Variants in DNAH8 observed in about 807,000 individuals in gnomAD.
The protein encoded by DNAH8 is dynein axonemal heavy chain 8, also known as axonemal beta dynein heavy chain 8.
Under a neutral mutation model 562.1 loss-of-function variants are expected in DNAH8, and 382 were observed. The ratio of observed to expected loss-of-function variants is 0.68; its 90% CI spans 0.63 to 0.74. DNAH8 has a LOEUF of 0.74. DNAH8 is among the 30% of genes least tolerant of loss of function. DNAH8 has a pLI of 0.00. For missense variants in DNAH8, 5,203 were observed against 5,620.4 expected (o/e 0.93, Z 2.37); for synonymous variants, 1,881 against 1,919.4 (o/e 0.98, Z 0.52).
At chr6:38,749,560 T>A (rs1418190787) in intron 8 of DNAH8, among the ~76,000 whole-genome samples, 2 of 151,008 alleles carry the variant, frequency 1.3e-5, no homozygotes, top group Admixed American at 1.3e-4. Flanking sequence ...AAAGACAATG[T>A]CTAATTAAAT....
intron 79 of DNAH8, among the ~76,000 whole-genome samples, chr6:38,944,920 C>A (rs898071241): frequency 6.6e-6 from 1 of 151,498 alleles, no homozygotes; most frequent in African/African-American, 2.4e-5. Context: ...TCTTTTTATC[C>A]CTGGCCTATG....
At chr6:38,812,865 T>C (rs994882573) in intron 24 of DNAH8, among the ~76,000 whole-genome samples, 1 of 152,196 alleles carries the variant, frequency 6.6e-6, no homozygotes, top group East Asian at 1.9e-4. Context: ...GGAAATTACT[T>C]AGCCTCTCCC....
rs761854666 is a variant in DNAH8, at chr6:38,832,411, A to C, written c.4278A>C (p.Ile1426=). 22 of 1,610,440 alleles carry C rather than the reference A, an allele frequency of 1.4e-5. No individual in the cohort carries two copies. The highest frequency in any genetic ancestry group is 1.8e-5 in the Non-Finnish European group (21 of 1,176,962). ...ESVEVFREDV[I]NFAEAYELEG... ...TGGAAGTTTTTCGTGAGGACGTGATAAACTTTGCAGAAGCATATGAATTGG... is the reference window on the plus strand; with the variant it reads ...TGGAAGTTTTTCGTGAGGACGTGATCAACTTTGCAGAAGCATATGAATTGG... Residue 1426 remains isoleucine (I), a synonymous_variant, in exon 31 of 93, where the codon ATA becomes ATC. Transcript: ENST00000327475.
intron 53 of DNAH8, among the ~76,000 whole-genome samples, chr6:38,882,478 C>A (rs778181799): frequency 6.6e-6 from 1 of 152,028 alleles, no homozygotes; most frequent in East Asian, 1.9e-4. Flanking sequence ...TCAAATACTG[C>A]GTATTTTCAA....
At chr6:38,907,871 A>G in intron 63 of DNAH8, 85 bp from the exon 64 acceptor site, 5 of 1,171,994 alleles carry the variant, frequency 4.3e-6, no homozygotes, top group Non-Finnish European at 5.7e-6. Flanking sequence ...TGACATGCAA[A>G]TTAAAAAAGG....
At chr6:38,928,345 T>C (rs1234958804) in intron 74 of DNAH8, among the ~76,000 whole-genome samples, 2 of 152,210 alleles carry the variant, frequency 1.3e-5, no homozygotes, top group Non-Finnish European at 2.9e-5. Flanking sequence ...AAATAGAATT[T>C]ACCCCTTGAG....
At chr6:38,942,227 C>T (rs576894340) in intron 79 of DNAH8, among the ~76,000 whole-genome samples, 12 of 152,266 alleles carry the variant, frequency 7.9e-5, no homozygotes, top group South Asian at 6.2e-4. Context: ...CCGTGCAATA[C>T]GAGTGGAGGA....
intron 18 of DNAH8, 59 bp downstream of exon 18, chr6:38,787,011 GTATA>G (rs34300949): frequency 0.013 from 10,444 of 787,288 alleles, no homozygotes; most frequent in East Asian, 0.044. Context: ...AAAAAAATAT[GTATA>G]TATATATATA....
chr6:39,015,890 A>G (rs1183639521), intron 91 of DNAH8, among the ~76,000 whole-genome samples: 11 of 152,158 alleles, frequency 7.2e-5, no homozygotes, highest in Admixed American at 7.2e-4. Context: ...AAGCACACAC[A>G]CACCCTTATC....
intron 82 of DNAH8, among the ~76,000 whole-genome samples, chr6:38,953,685 GA>G (rs1409093331): frequency 6.6e-6 from 1 of 152,164 alleles, no homozygotes; most frequent in African/African-American, 2.4e-5. Context: ...GCTTTGGGTT[GA>G]AAGTCCCAAA....
At position 38,845,594 on chromosome 6, in the gene DNAH8, T is replaced by A. The variant is rs371132948; in HGVS notation, c.4866T>A (p.Ile1622=). The A allele has an allele frequency of 1.3e-4, 205 of 1,613,686 alleles. No homozygotes were observed. The highest frequency in any genetic ancestry group is 8.2e-4 in the Middle Eastern group (5 of 6,084). ...DDIEDICISA[I]KEKDIEAKLT... ...CAAAGGATATTTGCATATCTGCCAT[T>A]AAGGAGAAGGATATCGAAGCCAAGC... Residue 1622 remains isoleucine, a synonymous_variant, in exon 36 of 93, where the codon ATT becomes ATA. Coordinates refer to ENST00000327475, the MANE Select transcript of DNAH8 (RefSeq NM_001206927.2).
intron 85 of DNAH8, among the ~76,000 whole-genome samples, chr6:38,981,419 A>G (rs540888128): frequency 6.6e-6 from 1 of 152,284 alleles, no homozygotes; most frequent in South Asian, 2.1e-4. Context: ...TTGATTATTT[A>G]TTGGTGATTT....
chr6:38,781,267 A>T lies in DNAH8; in HGVS notation c.2153A>T (p.Gln718Leu), dbSNP rs766948425. 1.9e-6 allele frequency: 3 copies of T among 1,613,772 alleles called. No individual in the cohort carries two copies. In the African/African-American group the frequency reaches 4.0e-5, roughly 22 times the overall value. Reference sequence around the variant, plus strand: ...TTTTAATTACAGCTTTATCATTCTCAGAAAGATGACCCCCCTCTTGCTCGC... The same window carrying T: ...TTTTAATTACAGCTTTATCATTCTCTGAAAGATGACCCCCCTCTTGCTCGC... ...LDATKKLYHS[Q>L]KDDPPLARNM... Residue 718 changes from glutamine (Q) to leucine (L), a missense_variant, in exon 16 of 93, where the codon CAG (glutamine) becomes CTG (leucine). Physicochemically the swap from Gln to Leu is moderately radical, Grantham distance 113 (BLOSUM62 -2). This residue lies in a region of DNAH8 where 2,176 missense variants were observed against 2,365.1 expected (regional missense o/e 0.92). Transcript: ENST00000327475.
chr6:38,911,376 A>C (rs1384408064), intron 65 of DNAH8, 92 bp from the exon 66 acceptor site: 11 of 940,138 alleles, frequency 1.2e-5, no homozygotes, highest in Non-Finnish European at 1.9e-5. Context: ...GAATCACTCT[A>C]CATGATCACA....
intron 85 of DNAH8, among the ~76,000 whole-genome samples, chr6:38,981,909 C>T (rs924707188): frequency 2.0e-5 from 3 of 152,194 alleles, no homozygotes; most frequent in African/African-American, 4.8e-5. Flanking sequence ...ACATGGATTG[C>T]ATATACGGTG....
At chr6:38,824,015 A>G (rs1773101972) in intron 28 of DNAH8, among the ~76,000 whole-genome samples, 1 of 152,176 alleles carries the variant, frequency 6.6e-6, no homozygotes, top group Non-Finnish European at 1.5e-5. Context: ...AACAGCTAAA[A>G]GTATAGGTGA....
intron 64 of DNAH8, among the ~76,000 whole-genome samples, chr6:38,908,475 T>C (rs1780648484): frequency 6.6e-6 from 1 of 152,214 alleles, no homozygotes. Flanking sequence ...AATCTCTATC[T>C]CATTGTGCTT....
intron 57 of DNAH8, among the ~76,000 whole-genome samples, chr6:38,887,695 A>G (rs1350801458): frequency 2.0e-5 from 3 of 152,162 alleles, no homozygotes; most frequent in Admixed American, 1.3e-4. Context: ...TAACAGAGTA[A>G]GAACCTGTCT....
intron 73 of DNAH8, 119 bp from the exon 74 acceptor site, chr6:38,925,934 CAT>C: frequency 2.2e-6 from 2 of 929,398 alleles, no homozygotes; most frequent in Middle Eastern, 2.8e-4. Flanking sequence ...GTACAAGTTG[CAT>C]AGTCTCAAAG....
Sources: gnomAD v4.1 joint callset for allele counts (sites outside exome capture counted in the v4.1 genomes callset) on GRCh38, gnomAD v4.1.1 for gene constraint, gnomAD v4.1.1 regional missense constraint, MANE v1.5 for transcripts, NCBI Gene and HGNC (gene_info 2026-07-23, HGNC 2026-07-21) for gene names.